Variants in SLC13A4 observed in about 807,000 individuals in gnomAD.
SLC13A4 encodes the protein Na(+)/sulfate cotransporter SUT-1.
In SLC13A4, 28 loss-of-function variants were observed where a neutral mutation model predicts 72.7. The ratio of observed to expected loss-of-function variants is 0.39; its 90% CI spans 0.29 to 0.53. The LOEUF is 0.53. Among genes scored for constraint, SLC13A4 ranks in the 20% least tolerant of loss-of-function variants. The probability of loss-of-function intolerance (pLI) is 0.78; values close to 1 mark genes in which losing one functional copy is unlikely to be tolerated. For missense variants in SLC13A4, 653 were observed against 788.0 expected, an observed-to-expected ratio of 0.83 and a Z score of 2.05; for synonymous variants, 312 against 325.5, an observed-to-expected ratio of 0.96 and a Z score of 0.45.
In SLC13A4 at chr7:135,727,559, T is replaced by A. The variant is rs1358112013; in HGVS notation, c.-63A>T. On this transcript the variant is annotated 5_prime_UTR_variant, in exon 1 of 16. Transcript: ENST00000682651. Reference sequence around the variant, plus strand: ...CTCTGCCGGCGAAAGGCTTCCTGCCTGGGCACTGCTCTCTATCCAGAAAGA... The same window carrying A: ...CTCTGCCGGCGAAAGGCTTCCTGCCAGGGCACTGCTCTCTATCCAGAAAGA... 36 of 1,513,036 alleles carry A rather than the reference T, an allele frequency of 2.4e-5. No homozygotes were observed. The highest frequency in any genetic ancestry group is 3.2e-5 in the Non-Finnish European group (36 of 1,124,266). 93.7% of individuals were successfully genotyped at this position (1,513,036 alleles called of 1,614,324 possible). A position where few individuals can be genotyped will look rare whatever the true frequency, so the allele number is the denominator to read the frequency against.
intron 2 of SLC13A4, among the ~76,000 whole-genome samples, chr7:135,719,908 G>A (rs1453270262): frequency 1.4e-5 from 2 of 147,994 alleles, no homozygotes; most frequent in Non-Finnish European, 3.0e-5. Context: ...AGAGAGGAGA[G>A]AGAGAGAGAC....
intron 10 of SLC13A4, 149 bp downstream of exon 10, chr7:135,693,988 C>T (rs1795847919): frequency 1.6e-6 from 1 of 615,882 alleles, no homozygotes; most frequent in Non-Finnish European, 2.9e-6. Context: ...TTGGCTTTGG[C>T]ACTAAATAGC....
In SLC13A4 at chr7:135,691,205, C is replaced by T; in HGVS notation, c.1442G>A (p.Ser481Asn). 6.3e-7 allele frequency: 1 copy of T among 1,586,764 alleles called. No homozygotes were observed. The highest frequency in any genetic ancestry group is 1.2e-5 in the South Asian group (1 of 85,386). Reference sequence around the variant, plus strand: ...AAAACAGAATTCAAGAATTACCTTGCTACCAGAAGCCAGAGCATAGCCTCC... The same window carrying T: ...AAAACAGAATTCAAGAATTACCTTGTTACCAGAAGCCAGAGCATAGCCTCC... ...VGGGYALASG[S>N]KSSGLSTWIG... is the part of the protein sequence containing the mutation. Residue 481 changes from serine (S) to asparagine (N), a missense_variant, in exon 13 of 16, where the codon AGC (serine) becomes AAC (asparagine). Physicochemically the swap from Ser to Asn is conservative, Grantham distance 46. Transcript: ENST00000682651.
In SLC13A4 at chr7:135,690,196, A is replaced by G. The variant is rs923716557; in HGVS notation, c.1446+1005T>C. 1.5e-4 allele frequency among the ~76,000 whole-genome samples: 22 copies of G among 150,946 alleles called. 1 individual carries two copies. The highest frequency in any genetic ancestry group is 5.9e-4 in the East Asian group (3 of 5,126). On this transcript the variant is annotated intron_variant, in intron 13 of 15. Coordinates refer to ENST00000682651, the MANE Select transcript of SLC13A4 (RefSeq NM_001318192.2). ...ACTCTGTCTCAAAAAAAAAAAAAAA[A>G]AAAAAAAAAAAGAGAACCAAGTTTA...
intron 13 of SLC13A4, among the ~76,000 whole-genome samples, chr7:135,686,356 T>C (rs958387053): frequency 5.9e-5 from 9 of 152,260 alleles, no homozygotes; most frequent in Admixed American, 1.3e-4. Flanking sequence ...TGACATTAGT[T>C]CTACTATCTG....
intron 2 of SLC13A4, among the ~76,000 whole-genome samples, chr7:135,715,091 GTGTA>G (rs769452363): frequency 5.1e-4 from 77 of 151,570 alleles, no homozygotes; most frequent in Non-Finnish European, 8.5e-4. Context: ...GTGTGTATAA[GTGTA>G]TGTGTGTGAG....
chr7:135,708,330 A>C (rs1796216822), intron 2 of SLC13A4, 80 bp from the exon 3 acceptor site: 1 of 1,557,354 alleles, frequency 6.4e-7, no homozygotes, highest in Non-Finnish European at 8.7e-7. Context: ...AATGGGCCAT[A>C]CCCAATAAAA....
chr7:135,695,955 A>C (rs1184403113), intron 8 of SLC13A4, among the ~76,000 whole-genome samples: 1 of 152,178 alleles, frequency 6.6e-6, no homozygotes, highest in African/African-American at 2.4e-5. Context: ...GGTGCCCATA[A>C]GAGAACCAGG....
intron 3 of SLC13A4, among the ~76,000 whole-genome samples, chr7:135,707,102 C>T (rs955913284): frequency 3.9e-5 from 6 of 152,280 alleles, no homozygotes; most frequent in African/African-American, 7.2e-5. Flanking sequence ...TGGCTGACAG[C>T]GACTTGACTT....
Position 135,705,538 on chromosome 7 carries a change from T to C in SLC13A4, c.593+58A>G. 3 of 1,542,940 alleles carry C rather than the reference T, an allele frequency of 1.9e-6. No individual in the cohort carries two copies. The South Asian group carries it at 3.4e-5, about 17-fold the overall frequency. On this transcript the variant is annotated intron_variant, in intron 5 of 15. Coordinates refer to ENST00000682651, the MANE Select transcript of SLC13A4 (RefSeq NM_001318192.2). ...GTTTATGGGTCTAGGTCCCCTCTTTTCTGACCTCCCCTATGGACTCTGAGA... is the reference window on the plus strand; with the variant it reads ...GTTTATGGGTCTAGGTCCCCTCTTTCCTGACCTCCCCTATGGACTCTGAGA...
chr7:135,705,610 G>T lies in SLC13A4; in HGVS notation c.579C>A (p.Ile193=), dbSNP rs994401577. The part of the protein sequence containing the change: ...VKNSQPSLEL[I]FVNEDRSNAD... ...GTCATACTCACTCTTCATTGACAAA[G>T]ATGAGTTCCAGAGAAGGTTGGCTGT... is the stretch of plus-strand genomic sequence containing the variant. Residue 193 remains isoleucine, a synonymous_variant, in exon 5 of 16, where the codon ATC becomes ATA. Transcript: ENST00000682651. 2 of 1,614,098 alleles carry T rather than the reference G, an allele frequency of 1.2e-6. No individual in the cohort carries two copies. Among genetic ancestry groups the T allele is most frequent in the Non-Finnish European group, 1.7e-6 (2 of 1,179,976 alleles).
At position 135,711,963 on chromosome 7, in the gene SLC13A4, A is replaced by ATTTTTTTT. The variant is rs529940903; in HGVS notation, c.229-3721_229-3714dup. 5.3e-4 allele frequency among the ~76,000 whole-genome samples: 25 copies of ATTTTTTTT among 46,898 alleles called. 4 individuals are homozygous for ATTTTTTTT. The highest frequency in any genetic ancestry group is 3.7e-3 in the East Asian group (4 of 1,082). 30.8% of individuals were successfully genotyped at this position (46,898 alleles called of 152,430 possible). ...CACTACACCTGGCTAATGTTTTTGG[A>ATTTTTTTT]TTTTTTTTTTTTTTTTTTTTTTTTT... On this transcript the variant is annotated intron_variant, in intron 2 of 15. Transcript: ENST00000682651.
rs143280062 is a variant in SLC13A4, at chr7:135,699,648, G to T, written c.715-100C>A. 1.6e-3 allele frequency: 1,693 copies of T among 1,045,116 alleles called. 24 individuals carry two copies. The African/African-American group carries it at 0.025, about 15-fold the overall frequency. 64.7% of individuals were successfully genotyped at this position (1,045,116 alleles called of 1,614,324 possible). On this transcript the variant is annotated intron_variant, in intron 7 of 15. Coordinates refer to ENST00000682651, the MANE Select transcript of SLC13A4 (RefSeq NM_001318192.2). Reference sequence around the variant, plus strand: ...CCATGGTACAGCGGAAAGGGTTTGAGCTTGGGTGTCAGAAAGACAAATCAC... The same window carrying T: ...CCATGGTACAGCGGAAAGGGTTTGATCTTGGGTGTCAGAAAGACAAATCAC...
At chr7:135,682,203 T>G (rs868671351) in intron 15 of SLC13A4, among the ~76,000 whole-genome samples, 22 of 152,320 alleles carry the variant, frequency 1.4e-4, no homozygotes, top group African/African-American at 5.1e-4. Flanking sequence ...TTTAGCTGCC[T>G]CTGCTCAGCT....
At chr7:135,717,966 G>A (rs1796464732) in intron 2 of SLC13A4, among the ~76,000 whole-genome samples, 1 of 152,024 alleles carries the variant, frequency 6.6e-6, no homozygotes, top group African/African-American at 2.4e-5. Context: ...TTAGGCCTTT[G>A]GACTCACACA....
intron 15 of SLC13A4, among the ~76,000 whole-genome samples, chr7:135,681,949 T>C (rs1025311769): frequency 6.6e-6 from 1 of 152,220 alleles, no homozygotes; most frequent in Non-Finnish European, 1.5e-5. Flanking sequence ...CTAGAAGGTA[T>C]GTTAGTTACT....
At chr7:135,700,759 C>T (rs1452507973) in intron 7 of SLC13A4, among the ~76,000 whole-genome samples, 1 of 152,176 alleles carries the variant, frequency 6.6e-6, no homozygotes. Flanking sequence ...ATCCTCCTAC[C>T]TCAGCCTCCT....
intron 10 of SLC13A4, chr7:135,693,307 G>A (rs1024543643): frequency 2.0e-5 from 3 of 152,116 alleles, no homozygotes; most frequent in Admixed American, 2.0e-4. Context: ...AGTTAAGGAT[G>A]TGGAACATAC....
rs528433393 is a variant in SLC13A4, at chr7:135,702,947, C to T, written c.594-63G>A. On this transcript the variant is annotated intron_variant, in intron 5 of 15. Coordinates refer to ENST00000682651, the MANE Select transcript of SLC13A4 (RefSeq NM_001318192.2). ...AGGCCGACTCTTGGGAGGGGAGGTCCCCCTGCATCAGGCGTTTGGTGTAAG... is the reference window on the plus strand; with the variant it reads ...AGGCCGACTCTTGGGAGGGGAGGTCTCCCTGCATCAGGCGTTTGGTGTAAG... The T allele has an allele frequency of 2.2e-5, 27 of 1,253,442 alleles. No individual in the cohort carries two copies. In the South Asian group the frequency reaches 3.1e-4, roughly 14 times the overall value. The allele number at this position is 1,253,442 out of a possible 1,614,324, so 77.6% of individuals were successfully genotyped here. A position where few individuals can be genotyped will look rare whatever the true frequency, so the allele number is the denominator to read the frequency against.
Sources: allele counts gnomAD v4.1 joint callset (sites outside exome capture counted in the v4.1 genomes callset), GRCh38; gene constraint gnomAD v4.1.1; transcripts MANE v1.5; gene names NCBI Gene and HGNC (gene_info 2026-07-23, HGNC 2026-07-21).